Variants in ZNF541 observed in about 807,000 individuals in gnomAD.
The protein encoded by ZNF541 is zinc finger protein 541.
ZNF541 carries 23 observed loss-of-function variants against 123.5 expected under a neutral mutation model. The ratio of observed to expected loss-of-function variants is 0.19; its 90% CI spans 0.13 to 0.26. ZNF541 has a LOEUF of 0.26. ZNF541 is among the 10% of genes least tolerant of loss of function. The pLI is 1.00. For synonymous variants in ZNF541, 751 were observed against 754.5 expected (o/e 1.00, Z 0.08); for missense variants, 1,612 against 1,789.9 (o/e 0.90, Z 1.79).
intron 1 of ZNF541, among the ~76,000 whole-genome samples, chr19:47,572,304 T>C (rs1971503196): frequency 6.6e-6 from 1 of 151,960 alleles, no homozygotes. Flanking sequence ...GGTGATAAAA[T>C]AAGGATATTT....
chr19:47,571,186 C>T (rs910744933), intron 2 of ZNF541, among the ~76,000 whole-genome samples: 2 of 151,458 alleles, frequency 1.3e-5, no homozygotes, highest in African/African-American at 4.8e-5. Context: ...AATCTCGGCT[C>T]ACCACAACCT....
chr19:47,545,518 C>A lies in ZNF541; in HGVS notation c.1011G>T (p.Glu337Asp). The A allele has an allele frequency of 6.6e-7, 1 of 1,511,088 alleles. No homozygotes were observed. The highest frequency in any genetic ancestry group is 8.9e-7 in the Non-Finnish European group (1 of 1,125,730). 93.6% of individuals were successfully genotyped at this position (1,511,088 alleles called of 1,614,324 possible). The change falls in exon 5 of 17, where the codon GAG becomes GAT. Residue 337 changes from glutamate to aspartate, a missense_variant. Glu to Asp is a conservative substitution (Grantham distance 45). Transcript: ENST00000391901. The surrounding 1 kb of genome is among the most constrained non-coding windows in gnomAD (Gnocchi z 7.5). The stretch of plus-strand genomic sequence containing the variant: ...CCGGCTCTTTCTGTGGGAGGCAAGG[C>A]TCCTCGGGAAGCTCGGTGTCCAGCG... ...PAALDTELPE[E>D]PCLPQKEPAT...
intron 7 of ZNF541, 79 bp from the exon 8 acceptor site, chr19:47,539,957 C>G (rs901269387): frequency 1.3e-6 from 2 of 1,498,066 alleles, no homozygotes; most frequent in East Asian, 5.0e-5. Context: ...GCAAAAAAAG[C>G]TGTCATAGAA....
chr19:47,530,385 T>C (rs1377335694), intron 12 of ZNF541, among the ~76,000 whole-genome samples: 1 of 151,162 alleles, frequency 6.6e-6, no homozygotes, highest in Non-Finnish European at 1.5e-5. Context: ...GATTTTACCA[T>C]GTTAGCCAGG....
chr19:47,545,612 G>A lies in ZNF541; in HGVS notation c.917C>T (p.Ala306Val). 1 of 1,549,928 alleles carries A rather than the reference G, an allele frequency of 6.5e-7. No individual in the cohort carries two copies. The highest frequency in any genetic ancestry group is 8.7e-7 in the Non-Finnish European group (1 of 1,146,354). Residue 306 changes from alanine to valine, a missense_variant, in exon 5 of 17, where the codon GCC (alanine) becomes GTC (valine). Physicochemically the swap from Ala to Val is moderately conservative, Grantham distance 64. Coordinates refer to ENST00000391901, the MANE Select transcript of ZNF541 (RefSeq NM_001277075.3). The surrounding 1 kb of genome is among the most constrained non-coding windows in gnomAD (Gnocchi z 7.5). ...CCCCGATGAGGCGGGGCAGGGACAGGCAGTGTTCCTCCCTTCGCTGTCTGA... is the reference window on the plus strand; with the variant it reads ...CCCCGATGAGGCGGGGCAGGGACAGACAGTGTTCCTCCCTTCGCTGTCTGA... ...GASDSEGRNT[A>V]CPCPASSGSS...
chr19:47,543,497 C>G (rs1249083943), intron 5 of ZNF541, among the ~76,000 whole-genome samples: 2 of 151,668 alleles, frequency 1.3e-5, no homozygotes, highest in African/African-American at 4.8e-5. Flanking sequence ...AAGCAGGAAT[C>G]TTTAAAGGAA....
intron 10 of ZNF541, among the ~76,000 whole-genome samples, 161 bp downstream of exon 10, chr19:47,532,748 G>T (rs149642669): frequency 2.6e-5 from 4 of 152,014 alleles, no homozygotes; most frequent in South Asian, 2.1e-4. Context: ...TAATATTGGG[G>T]GATCTTCCTA....
At chr19:47,560,201 TATTG>T (rs1971004189) in intron 2 of ZNF541, among the ~76,000 whole-genome samples, 1 of 152,106 alleles carries the variant, frequency 6.6e-6, no homozygotes, top group African/African-American at 2.4e-5. Context: ...GCGCAAAAGA[TATTG>T]ATTGGGGCAA....
intron 2 of ZNF541, among the ~76,000 whole-genome samples, chr19:47,561,286 T>A (rs541614984): frequency 2.5e-4 from 38 of 152,008 alleles, no homozygotes; most frequent in African/African-American, 8.7e-4. Context: ...AATTTTTTTT[T>A]AATTAGCTGG....
chr19:47,545,033 C>G lies in ZNF541; in HGVS notation c.1496G>C (p.Cys499Ser), dbSNP rs2123140931. 6.7e-7 allele frequency: 1 copy of G among 1,490,334 alleles called. No individual in the cohort carries two copies. The highest frequency in any genetic ancestry group is 2.5e-5 in the East Asian group (1 of 40,412). The allele number at this position is 1,490,334 out of a possible 1,614,324, so 92.3% of individuals were successfully genotyped here. A position where few individuals can be genotyped will look rare whatever the true frequency, so the allele number is the denominator to read the frequency against. Residue 499 changes from cysteine (C) to serine (S), a missense_variant, in exon 5 of 17, where the codon TGC becomes TCC. Cys to Ser is a moderately radical substitution (Grantham distance 112). Transcript: ENST00000391901. This position sits in a 1 kb window ranked among gnomAD's most constrained non-coding sequence, Gnocchi z 7.5. ...GTCGACCTTGACCTTCTTGGGGGCG[C>G]AGGGGTCATCTTCCCCGCTGGCCGA... ...PRSASGEDDP[C>S]APKKVKVDCD...
chr19:47,563,280 T>C (rs1445792304), intron 2 of ZNF541, among the ~76,000 whole-genome samples: 9 of 152,228 alleles, frequency 5.9e-5, no homozygotes, highest in African/African-American at 2.2e-4. Context: ...TAACTTCCAG[T>C]GGGGTTCAAG....
intron 14 of ZNF541, among the ~76,000 whole-genome samples, chr19:47,522,734 T>C (rs1453368141): frequency 6.8e-6 from 1 of 147,192 alleles, no homozygotes; most frequent in Non-Finnish European, 1.5e-5. Context: ...TGTTCAAGGC[T>C]GCAGTGAGCC....
At chr19:47,523,356 A>AG (rs886536722) in intron 14 of ZNF541, among the ~76,000 whole-genome samples, 38 of 151,694 alleles carry the variant, frequency 2.5e-4, no homozygotes, top group Non-Finnish European at 4.1e-4. Flanking sequence ...AAAAAAAAAA[A>AG]AAAAAAGGAA....
chr19:47,546,608 A>G (rs1327320575), intron 4 of ZNF541, among the ~76,000 whole-genome samples: 2 of 152,230 alleles, frequency 1.3e-5, no homozygotes, highest in African/African-American at 2.4e-5. Flanking sequence ...TTCCCAAGGA[A>G]CACAAAGACC....
intron 9 of ZNF541, among the ~76,000 whole-genome samples, chr19:47,534,903 C>A (rs1969746291): frequency 6.6e-6 from 1 of 151,996 alleles, no homozygotes; most frequent in Non-Finnish European, 1.5e-5. Context: ...TGGACCTTTA[C>A]CTCATGTAAT....
intron 1 of ZNF541, among the ~76,000 whole-genome samples, chr19:47,572,869 C>T (rs1971525470): frequency 6.6e-6 from 1 of 151,978 alleles, no homozygotes; most frequent in Admixed American, 6.6e-5. Context: ...GGGCCCGGAG[C>T]TGTTGGGTTG....
At chr19:47,569,461 C>T (rs1971394593) in intron 2 of ZNF541, among the ~76,000 whole-genome samples, 1 of 152,116 alleles carries the variant, frequency 6.6e-6, no homozygotes, top group Non-Finnish European at 1.5e-5. Context: ...CCTGGGTAGT[C>T]TAATTTCGAA....
rs1969910536 is a variant in ZNF541, at chr19:47,538,181, T to C, written c.3055A>G (p.Thr1019Ala). The C allele has an allele frequency of 3.2e-6, 5 of 1,550,946 alleles. No homozygotes were observed. In the South Asian group the frequency reaches 3.6e-5, roughly 11 times the overall value. ...ATGAGCTGGTCAGGGCTGGCCTGAG[T>C]GGACGTGGAACAGAGGGTGTTGAAG... ...VYFNTLCSTS[T>A]QASPDQLISS... Residue 1019 changes from threonine to alanine, a missense_variant, in exon 9 of 17, where the codon ACT becomes GCT. Around this residue, in one of 5 missense-constraint regions of ZNF541, gnomAD observed 285 missense variants for 407.3 expected, o/e 0.70. Coordinates refer to ENST00000391901, the MANE Select transcript of ZNF541 (RefSeq NM_001277075.3).
Position 47,533,545 on chromosome 19 carries a change from TA to T in ZNF541, c.3095-574del, listed in dbSNP as rs1018652814. On this transcript the variant is annotated intron_variant, in intron 9 of 16. Transcript: ENST00000391901. ...ATTCAGCACTTGGAGAAATATTCATTAAAAAAAATCAACTAGGCCGGGTGGG... is the reference window on the plus strand; with the variant it reads ...ATTCAGCACTTGGAGAAATATTCATTAAAAAAATCAACTAGGCCGGGTGGG... Among the ~76,000 whole-genome samples, 11 of 151,528 alleles carry T rather than the reference TA, an allele frequency of 7.3e-5. No individual in the cohort carries two copies. In the South Asian group the frequency reaches 2.1e-3, roughly 29 times the overall value.
Sources: gnomAD v4.1 joint callset for allele counts (sites outside exome capture counted in the v4.1 genomes callset) on GRCh38, gnomAD v4.1.1 for gene constraint, gnomAD v4.1.1 regional missense constraint, Gnocchi (gnomAD v3.1) non-coding constraint, MANE v1.5 for transcripts, NCBI Gene and HGNC (gene_info 2026-07-23, HGNC 2026-07-21) for gene names.